Variants in CNTNAP2 observed in about 807,000 individuals in gnomAD.
CNTNAP2 encodes contactin-associated protein-like 2.
Under a neutral mutation model 155.2 loss-of-function variants are expected in CNTNAP2, and 98 were observed. That is an observed-to-expected ratio of 0.63 (90% CI 0.54 to 0.75). The LOEUF (loss-of-function observed/expected upper bound fraction) is 0.75, where lower values mean the gene tolerates loss of function less well. CNTNAP2 is among the 30% of genes least tolerant of loss of function. The probability of loss-of-function intolerance (pLI) is 0.00; values close to 1 mark genes in which losing one functional copy is unlikely to be tolerated. For missense variants in CNTNAP2, 1,727 were observed against 1,688.1 expected (o/e 1.02, Z -0.40); for synonymous variants, 651 against 631.2 (o/e 1.03, Z -0.47).
intron 11 of CNTNAP2, among the ~76,000 whole-genome samples, chr7:147,535,315 C>T (rs1162029863): frequency 6.6e-6 from 1 of 152,202 alleles, no homozygotes; most frequent in East Asian, 1.9e-4. Flanking sequence ...TTGCTTGAAC[C>T]CAGGAGGCGG....
intron 21 of CNTNAP2, among the ~76,000 whole-genome samples, chr7:148,321,147 C>T (rs368100241): frequency 1.3e-5 from 2 of 152,032 alleles, no homozygotes; most frequent in Admixed American, 6.6e-5. Flanking sequence ...CGTGAAGCCA[C>T]GAAGAACCAG....
In CNTNAP2 at chr7:148,279,856, G is replaced by GA. The variant is rs536245925; in HGVS notation, c.3475+12737dup. Among the ~76,000 whole-genome samples the GA allele has an allele frequency of 3.3e-5, 5 of 152,202 alleles. No homozygotes were observed. In the East Asian group the frequency reaches 5.8e-4, roughly 18 times the overall value. On this transcript the variant is annotated intron_variant, in intron 21 of 23. Coordinates refer to ENST00000361727, the MANE Select transcript of CNTNAP2 (RefSeq NM_014141.6). ...GAATCTCTAGAGAATCGTGCCAATG[G>GA]AAAAAAAGCCAGTCCCAAAAGGTTA...
At chr7:147,512,204 T>C (rs952864075) in intron 11 of CNTNAP2, among the ~76,000 whole-genome samples, 1 of 152,202 alleles carries the variant, frequency 6.6e-6, no homozygotes, top group Non-Finnish European at 1.5e-5. Context: ...CATACGTGCA[T>C]GCACTCATGT....
intron 1 of CNTNAP2, among the ~76,000 whole-genome samples, chr7:146,348,159 C>T (rs1036554377): frequency 7.2e-5 from 11 of 152,108 alleles, no homozygotes; most frequent in African/African-American, 2.7e-4. Context: ...GTGGCTCACT[C>T]CTGTAATCCC....
intron 15 of CNTNAP2, chr7:148,044,464 A>G (rs565568644): frequency 1.3e-5 from 2 of 151,530 alleles, no homozygotes; most frequent in East Asian, 3.9e-4. Flanking sequence ...GTAAATTGAA[A>G]CCTCATTCCT....
At chr7:147,236,680 GC>G (rs1803812802) in intron 8 of CNTNAP2, among the ~76,000 whole-genome samples, 2 of 151,622 alleles carry the variant, frequency 1.3e-5, no homozygotes, top group African/African-American at 4.9e-5. Flanking sequence ...TCTGCTCGGA[GC>G]TGGGGGCACT....
At chr7:148,120,805 GT>G (rs1804580730) in intron 16 of CNTNAP2, among the ~76,000 whole-genome samples, 1 of 152,086 alleles carries the variant, frequency 6.6e-6, no homozygotes, top group Non-Finnish European at 1.5e-5. Flanking sequence ...ACCAGAGAGG[GT>G]GGAAAGACAT....
intron 17 of CNTNAP2, among the ~76,000 whole-genome samples, chr7:148,157,675 T>C (rs2906300): frequency 0.33 from 49,969 of 151,836 alleles, 8,675 homozygotes; most frequent in African/African-American, 0.42. Context: ...TGATATCAAA[T>C]TGGGGTCTTG....
intron 1 of CNTNAP2, among the ~76,000 whole-genome samples, chr7:146,370,070 T>A (rs1461307343): frequency 6.6e-6 from 1 of 151,942 alleles, no homozygotes; most frequent in Non-Finnish European, 1.5e-5. Flanking sequence ...GTTCTTATTG[T>A]TGTTTTTCTT....
At chr7:148,326,137 G>GTTT (rs55932829) in intron 21 of CNTNAP2, among the ~76,000 whole-genome samples, 1 of 149,300 alleles carries the variant, frequency 6.7e-6, no homozygotes, top group Non-Finnish European at 1.5e-5. Context: ...ATGCAAACAG[G>GTTT]TTTTTTTTTT....
At chr7:147,043,306 A>G (rs990027810) in intron 3 of CNTNAP2, among the ~76,000 whole-genome samples, 2 of 152,204 alleles carry the variant, frequency 1.3e-5, no homozygotes, top group African/African-American at 4.8e-5. Context: ...GTGAACTTTC[A>G]GTATCAGATA....
intron 1 of CNTNAP2, among the ~76,000 whole-genome samples, chr7:146,565,794 G>A (rs879468883): frequency 2.0e-5 from 3 of 152,202 alleles, no homozygotes; most frequent in Admixed American, 6.5e-5. Flanking sequence ...TTCTCCCAGT[G>A]GCCCATGCCA....
chr7:148,417,211 G>A lies in CNTNAP2; in HGVS notation c.*1595G>A, dbSNP rs1026355722. On this transcript the variant is annotated 3_prime_UTR_variant, in exon 24 of 24. Coordinates refer to ENST00000361727, the MANE Select transcript of CNTNAP2 (RefSeq NM_014141.6). ...ATAGATGCTATTGTTCTGATGGCCC[G>A]GCTGAATAAAATGGAAATTCTAGTT... 3.3e-5 allele frequency: 5 copies of A among 152,110 alleles called. No individual in the cohort carries two copies. Among genetic ancestry groups the A allele is most frequent in the East Asian group, 1.9e-4 (1 of 5,192 alleles). The allele number at this position is 152,110 out of a possible 1,614,324, so 9.4% of individuals were successfully genotyped here. A position where few individuals can be genotyped will look rare whatever the true frequency, so the allele number is the denominator to read the frequency against.
chr7:148,249,237 A>G (rs1452292301), intron 20 of CNTNAP2, among the ~76,000 whole-genome samples: 1 of 152,062 alleles, frequency 6.6e-6, no homozygotes, highest in East Asian at 1.9e-4. Flanking sequence ...TGACCTTCTC[A>G]CCACCAAACC....
intron 1 of CNTNAP2, among the ~76,000 whole-genome samples, chr7:146,606,919 T>C (rs1251655033): frequency 1.3e-5 from 2 of 152,186 alleles, no homozygotes; most frequent in Non-Finnish European, 2.9e-5. Context: ...AAATTCACTG[T>C]GATCCTGCTG....
chr7:148,218,538 C>T (rs146591376), intron 19 of CNTNAP2, among the ~76,000 whole-genome samples: 63 of 152,214 alleles, frequency 4.1e-4, no homozygotes, highest in African/African-American at 1.5e-3. Flanking sequence ...ATCACAGGCA[C>T]ATACCACCAC....
At chr7:146,532,592 G>A (rs115375702) in intron 1 of CNTNAP2, among the ~76,000 whole-genome samples, 2,225 of 152,140 alleles carry the variant, frequency 0.015, 43 homozygotes, top group African/African-American at 0.049. Flanking sequence ...TTCTGTAAGC[G>A]TATATTTGGA....
chr7:147,725,613 G>A (rs958165513), intron 13 of CNTNAP2, among the ~76,000 whole-genome samples: 39 of 152,030 alleles, frequency 2.6e-4, no homozygotes, highest in African/African-American at 9.4e-4. Flanking sequence ...TTTGAACAAG[G>A]GAGGAAGAAG....
At chr7:146,858,985 A>G (rs1014489280) in intron 3 of CNTNAP2, among the ~76,000 whole-genome samples, 1 of 152,214 alleles carries the variant, frequency 6.6e-6, no homozygotes, top group Non-Finnish European at 1.5e-5. Context: ...TACATGACAC[A>G]TCAGGAAATT....
Sources: allele counts gnomAD v4.1 joint callset (sites outside exome capture counted in the v4.1 genomes callset), GRCh38; gene constraint gnomAD v4.1.1; transcripts MANE v1.5; gene names NCBI Gene and HGNC (gene_info 2026-07-23, HGNC 2026-07-21).